Variants in RTN1 observed in about 807,000 individuals in gnomAD.
The protein encoded by RTN1 is reticulon-1.
RTN1 carries 25 observed loss-of-function variants against 65.5 expected under a neutral mutation model. The ratio of observed to expected loss-of-function variants is 0.38; its 90% CI spans 0.28 to 0.53. The LOEUF (loss-of-function observed/expected upper bound fraction) is 0.53. RTN1 is among the 20% of genes least tolerant of loss of function. The pLI is 0.79. For synonymous variants in RTN1, 471 were observed against 447.6 expected (o/e 1.05, Z -0.66); for missense variants, 983 against 1,025.4 (o/e 0.96, Z 0.57).
At chr14:59,732,069 T>C in intron 2 of RTN1, among the ~76,000 whole-genome samples, 1 of 152,186 alleles carries the variant, frequency 6.6e-6, no homozygotes, top group East Asian at 1.9e-4. Flanking sequence ...TGCACTTGAA[T>C]TGATCTTGGA....
At chr14:59,856,922 A>G (rs1171995769) in intron 1 of RTN1, among the ~76,000 whole-genome samples, 1 of 152,120 alleles carries the variant, frequency 6.6e-6, no homozygotes, top group Non-Finnish European at 1.5e-5. Flanking sequence ...CCAGAACAGT[A>G]CTGTGCTCAT....
At chr14:59,778,101 A>G (rs1281523450) in intron 1 of RTN1, among the ~76,000 whole-genome samples, 2 of 152,112 alleles carry the variant, frequency 1.3e-5, no homozygotes, top group Non-Finnish European at 2.9e-5. Context: ...CCTCCGTCTT[A>G]TCCTCCAGAT....
chr14:59,796,834 C>G (rs1886448295), intron 1 of RTN1, among the ~76,000 whole-genome samples: 1 of 152,128 alleles, frequency 6.6e-6, no homozygotes, highest in Non-Finnish European at 1.5e-5. Flanking sequence ...ATTTACTGAT[C>G]TCTTTCACCA....
At chr14:59,615,904 T>A (rs1357435680) in intron 3 of RTN1, among the ~76,000 whole-genome samples, 2 of 152,306 alleles carry the variant, frequency 1.3e-5, no homozygotes, top group Non-Finnish European at 2.9e-5. Flanking sequence ...TTTTCTTTTT[T>A]AAAATTTTTT....
chr14:59,752,441 C>T (rs1885552408), intron 1 of RTN1, among the ~76,000 whole-genome samples: 1 of 152,024 alleles, frequency 6.6e-6, no homozygotes, highest in South Asian at 2.1e-4. Flanking sequence ...AAAGGCCCGA[C>T]TCCAGATATC....
chr14:59,706,888 G>T (rs535173008), intron 3 of RTN1, among the ~76,000 whole-genome samples: 51 of 152,214 alleles, frequency 3.4e-4, no homozygotes, highest in African/African-American at 1.2e-3. Context: ...AATAGTATCT[G>T]GTGTTATTCT....
chr14:59,617,706 T>A (rs74697093), intron 3 of RTN1, among the ~76,000 whole-genome samples: 1 of 152,204 alleles, frequency 6.6e-6, no homozygotes, highest in Non-Finnish European at 1.5e-5. Context: ...ATTGTACTCC[T>A]AATCCTAGCC....
chr14:59,677,277 C>G (rs1284504508), intron 3 of RTN1, among the ~76,000 whole-genome samples: 1 of 152,198 alleles, frequency 6.6e-6, no homozygotes, highest in Non-Finnish European at 1.5e-5. Context: ...TTATTTTTCT[C>G]AGATTTTCAG....
intron 1 of RTN1, among the ~76,000 whole-genome samples, chr14:59,851,820 G>A (rs971705333): frequency 2.2e-5 from 3 of 136,158 alleles, no homozygotes; most frequent in Non-Finnish European, 4.6e-5. Flanking sequence ...TTGTGCCACT[G>A]AACTCCAGCC....
rs1271167632 is a variant in RTN1 at position 59,825,682 on chromosome 14, T to C, written c.241+44708A>G. ...ACAAAGCACGGTGGCCAAGGAATAG[T>C]GTTACTGTGTGCTCTTAGAGTTACA... On this transcript the variant is annotated intron_variant, in intron 1 of 8. Transcript: ENST00000267484. This position sits in a 1 kb window ranked among gnomAD's most constrained non-coding sequence, Gnocchi z 4.2. 6.6e-6 allele frequency among the ~76,000 whole-genome samples: 1 copy of C among 152,226 alleles called. No individual in the cohort carries two copies. The highest frequency in any genetic ancestry group is 2.4e-5 in the African/African-American group (1 of 41,472).
chr14:59,769,102 G>A (rs2882301), intron 1 of RTN1, among the ~76,000 whole-genome samples: 56,042 of 151,878 alleles, frequency 0.37, 10,518 homozygotes, highest in Admixed American at 0.45. Context: ...TTCTAAAGCA[G>A]TTGCTCTTAA....
At chr14:59,714,099 G>T (rs890526162) in intron 3 of RTN1, among the ~76,000 whole-genome samples, 1 of 152,106 alleles carries the variant, frequency 6.6e-6, no homozygotes, top group South Asian at 2.1e-4. Context: ...GCCAGGCATG[G>T]TGGCAGGCGC....
intron 3 of RTN1, among the ~76,000 whole-genome samples, chr14:59,720,667 A>G (rs188557719): frequency 6.6e-5 from 10 of 151,138 alleles, no homozygotes; most frequent in Admixed American, 5.9e-4. Flanking sequence ...GGTTTCGGTG[A>G]GCTGAGATCG....
rs1325956091 is a variant in RTN1 at position 59,749,152 on chromosome 14, ATC to A, written c.242-2673_242-2672del. Among the ~76,000 whole-genome samples, 48 of 103,616 alleles carry A rather than the reference ATC, an allele frequency of 4.6e-4. 12 individuals are homozygous for A. Among genetic ancestry groups the A allele is most frequent in the African/African-American group, 2.6e-3 (42 of 16,220 alleles). The allele number at this position is 103,616 out of a possible 152,430, so 68.0% of individuals were successfully genotyped here. On this transcript the variant is annotated intron_variant, in intron 1 of 8. Transcript: ENST00000267484. Reference sequence around the variant, plus strand: ...TATATCTATATCTATCTATCTATCTATCTATATCTATCTATATATCTATCTAT... The same window carrying A: ...TATATCTATATCTATCTATCTATCTATATATCTATCTATATATCTATCTAT...
chr14:59,681,531 AT>A (rs1196105019), intron 3 of RTN1, among the ~76,000 whole-genome samples: 2 of 152,168 alleles, frequency 1.3e-5, no homozygotes, highest in Non-Finnish European at 2.9e-5. Flanking sequence ...GAAATAATGA[AT>A]CTGGGTCACT....
At chr14:59,855,301 T>C (rs1887584868) in intron 1 of RTN1, among the ~76,000 whole-genome samples, 1 of 152,216 alleles carries the variant, frequency 6.6e-6, no homozygotes, top group African/African-American at 2.4e-5. Context: ...TCACTAACAT[T>C]TTCTTCTTTC....
chr14:59,735,568 A>G (rs1469289751), intron 2 of RTN1, among the ~76,000 whole-genome samples: 1 of 152,214 alleles, frequency 6.6e-6, no homozygotes, highest in Non-Finnish European at 1.5e-5. Flanking sequence ...GGAAAACAGA[A>G]TAAAGCAGAG....
At chr14:59,596,855 G>T in intron 8 of RTN1, 68 bp from the exon 9 acceptor site, 1 of 1,189,958 alleles carries the variant, frequency 8.4e-7, no homozygotes, top group Non-Finnish European at 1.3e-6. Flanking sequence ...ATGTGTTGTT[G>T]CTTTAATTAG....
intron 1 of RTN1, among the ~76,000 whole-genome samples, chr14:59,775,383 CTT>C (rs376351410): frequency 6.6e-6 from 1 of 151,190 alleles, no homozygotes; most frequent in African/African-American, 2.4e-5. Context: ...CATTTTTGAC[CTT>C]TTTTTTTGTA....
Sources: allele counts gnomAD v4.1 joint callset (sites outside exome capture counted in the v4.1 genomes callset), GRCh38; gene constraint gnomAD v4.1.1; non-coding constraint Gnocchi (gnomAD v3.1); transcripts MANE v1.5; gene names NCBI Gene and HGNC (gene_info 2026-07-23, HGNC 2026-07-21).